The following TMTC1 variants were observed in gnomAD, a reference collection of about 807,000 sequenced individuals.
TMTC1 encodes the protein transmembrane O-mannosyltransferase targeting cadherins 1, also known as protein O-mannosyl-transferase TMTC1.
Under a neutral mutation model 104.8 loss-of-function variants are expected in TMTC1, and 73 were observed. The ratio of observed to expected loss-of-function variants is 0.70; its 90% CI spans 0.58 to 0.85. TMTC1 has a LOEUF of 0.85. Ranked by LOEUF, TMTC1 falls within the 40% of genes least tolerant of loss-of-function variation. TMTC1 has a pLI of 0.00. For missense variants in TMTC1, 1,035 were observed against 1,096.1 expected (o/e 0.94, Z 0.79); for synonymous variants, 434 against 428.7 (o/e 1.01, Z -0.15).
intron 5 of TMTC1, among the ~76,000 whole-genome samples, chr12:29,677,011 C>A (rs1357290660): frequency 6.6e-6 from 1 of 152,212 alleles, no homozygotes; most frequent in African/African-American, 2.4e-5. Context: ...AGGTCCAAGT[C>A]TGGTCCTTCT....
chr12:29,570,881 A>ACCCCCCCCCCCC (rs71045818), intron 9 of TMTC1, among the ~76,000 whole-genome samples: 3 of 31,304 alleles, frequency 9.6e-5, no homozygotes, highest in South Asian at 1.4e-3. Flanking sequence ...AAACAGAAAC[A>ACCCCCCCCCCCC]CCCCCCCCCC....
chr12:29,531,138 A>C lies in TMTC1; in HGVS notation c.1785+5071T>G, dbSNP rs117056785. Among the ~76,000 whole-genome samples, 22 of 152,172 alleles carry C rather than the reference A, an allele frequency of 1.4e-4. No homozygotes were observed. In the East Asian group the frequency reaches 4.3e-3, roughly 29 times the overall value. ...ACTCCATGAGGGTAACCACATACAT[A>C]ACTTGCTGCTTCAACACTCTGGCGC... On this transcript the variant is annotated intron_variant, in intron 11 of 17. Transcript: ENST00000539277.
chr12:29,726,051 T>C (rs1451473701), intron 5 of TMTC1, among the ~76,000 whole-genome samples: 1 of 152,128 alleles, frequency 6.6e-6, no homozygotes. Flanking sequence ...CCTGACTGAG[T>C]TGGTTGCCAA....
intron 16 of TMTC1, 81 bp from the exon 17 acceptor site, chr12:29,512,201 G>C (rs1365281074): frequency 8.4e-7 from 1 of 1,187,502 alleles, no homozygotes; most frequent in Non-Finnish European, 1.2e-6. Context: ...CTTCACGTGT[G>C]AAAATTTAAA....
chr12:29,627,539 G>T (rs1938066025), intron 6 of TMTC1, among the ~76,000 whole-genome samples: 1 of 152,148 alleles, frequency 6.6e-6, no homozygotes, highest in Non-Finnish European at 1.5e-5. Context: ...AGCCACTACG[G>T]AAGTTTGTCA....
chr12:29,623,573 G>A (rs1033669044), intron 6 of TMTC1, among the ~76,000 whole-genome samples: 3 of 152,188 alleles, frequency 2.0e-5, no homozygotes, highest in African/African-American at 7.2e-5. Flanking sequence ...CCAACACTTT[G>A]GGAGGCCGAG....
intron 5 of TMTC1, among the ~76,000 whole-genome samples, chr12:29,674,981 G>A (rs1367226086): frequency 6.6e-6 from 1 of 152,130 alleles, no homozygotes; most frequent in African/African-American, 2.4e-5. Flanking sequence ...TTTCTTTGCA[G>A]CCAATTTCAT....
Position 29,501,246 on chromosome 12 carries a change from C to T in TMTC1, c.*5600G>A, listed in dbSNP as rs1374210002. On this transcript the variant is annotated 3_prime_UTR_variant, in exon 18 of 18. Coordinates refer to ENST00000539277, the MANE Select transcript of TMTC1 (RefSeq NM_001193451.2). ...TGCACAAACTGCAAAATAGGAGTAA[C>T]TACCTCTGCCATGTTCAAGCACTTG... The T allele has an allele frequency of 1.3e-5, 2 of 152,156 alleles. No individual in the cohort carries two copies. Among genetic ancestry groups the T allele is most frequent in the Non-Finnish European group, 2.9e-5 (2 of 68,040 alleles). The allele number at this position is 152,156 out of a possible 1,614,324, so 9.4% of individuals were successfully genotyped here.
At chr12:29,617,966 G>A (rs553810274) in intron 6 of TMTC1, among the ~76,000 whole-genome samples, 207 of 152,298 alleles carry the variant, frequency 1.4e-3, no homozygotes, top group Non-Finnish European at 2.4e-3. Flanking sequence ...TGACCACTGT[G>A]TTGAGGAATA....
chr12:29,709,496 A>G (rs1941840262), intron 5 of TMTC1, among the ~76,000 whole-genome samples: 1 of 152,246 alleles, frequency 6.6e-6, no homozygotes, highest in Non-Finnish European at 1.5e-5. Flanking sequence ...ATTAACACAA[A>G]TAAGAAAGAA....
At chr12:29,595,012 G>A (rs143316385) in intron 7 of TMTC1, among the ~76,000 whole-genome samples, 18 of 152,274 alleles carry the variant, frequency 1.2e-4, no homozygotes, top group East Asian at 7.7e-4. Flanking sequence ...TCATTTGCAC[G>A]AGGTAGATTG....
At chr12:29,725,777 C>G (rs1215224507) in intron 5 of TMTC1, among the ~76,000 whole-genome samples, 1 of 152,236 alleles carries the variant, frequency 6.6e-6, no homozygotes, top group African/African-American at 2.4e-5. Flanking sequence ...CTACAACATT[C>G]AATCTTCTAT....
intron 6 of TMTC1, among the ~76,000 whole-genome samples, chr12:29,608,474 A>G (rs1946760449): frequency 6.6e-6 from 1 of 152,244 alleles, no homozygotes; most frequent in South Asian, 2.1e-4. Flanking sequence ...AAGACAGCTA[A>G]TAACACAGCC....
intron 7 of TMTC1, among the ~76,000 whole-genome samples, chr12:29,588,636 G>A (rs1946203107): frequency 6.6e-6 from 1 of 152,194 alleles, no homozygotes; most frequent in African/African-American, 2.4e-5. Flanking sequence ...ACAACAGCTA[G>A]CGAATGAGTA....
chr12:29,640,638 G>C (rs577481764), intron 5 of TMTC1: 1 of 152,358 alleles, frequency 6.6e-6, no homozygotes, highest in East Asian at 1.9e-4. Flanking sequence ...GAGCTCGCGG[G>C]CTCCCCTGGC....
At chr12:29,648,686 T>C (rs1211140385) in intron 5 of TMTC1, among the ~76,000 whole-genome samples, 1 of 152,080 alleles carries the variant, frequency 6.6e-6, no homozygotes, top group Non-Finnish European at 1.5e-5. Context: ...TGCCATCCAA[T>C]AGAAAGAGAA....
intron 5 of TMTC1, among the ~76,000 whole-genome samples, chr12:29,740,616 A>G (rs1942800390): frequency 6.6e-6 from 1 of 152,064 alleles, no homozygotes; most frequent in African/African-American, 2.4e-5. Context: ...ATATAGATAC[A>G]TATATATAAT....
chr12:29,615,863 G>A (rs1410348651), intron 6 of TMTC1, among the ~76,000 whole-genome samples: 1 of 152,082 alleles, frequency 6.6e-6, no homozygotes, highest in Non-Finnish European at 1.5e-5. Context: ...TGTTTTTGGA[G>A]GTACAAAGAA....
At chr12:29,640,036 T>A (rs1938756739) in intron 5 of TMTC1, among the ~76,000 whole-genome samples, 1 of 152,192 alleles carries the variant, frequency 6.6e-6, no homozygotes, top group South Asian at 2.1e-4. Flanking sequence ...TATGCCCCCA[T>A]GGGGCATTCC....
Sources: gnomAD v4.1 joint callset for allele counts (sites outside exome capture counted in the v4.1 genomes callset) on GRCh38, gnomAD v4.1.1 for gene constraint, MANE v1.5 for transcripts, NCBI Gene and HGNC (gene_info 2026-07-23, HGNC 2026-07-21) for gene names.